The following CADPS2 variants were observed in gnomAD, a reference collection of about 807,000 sequenced individuals.
CADPS2 encodes the protein calcium-dependent secretion activator 2.
Under a neutral mutation model 172.5 loss-of-function variants are expected in CADPS2, and 93 were observed. That is an observed-to-expected ratio of 0.54 (90% confidence interval 0.46 to 0.64). CADPS2 has a LOEUF of 0.64. Among genes scored for constraint, CADPS2 ranks in the 30% least tolerant of loss-of-function variants. The pLI is 0.00. For missense variants in CADPS2, 1,420 were observed against 1,565.9 expected (o/e 0.91, Z 1.57); for synonymous variants, 546 against 555.2 (o/e 0.98, Z 0.23).
intron 28 of CADPS2, among the ~76,000 whole-genome samples, chr7:122,334,419 G>A (rs1258473946): frequency 6.6e-6 from 1 of 152,208 alleles, no homozygotes; most frequent in Non-Finnish European, 1.5e-5. Flanking sequence ...TGTCCTGGGT[G>A]CGTTCTACAC....
At chr7:122,414,491 A>T (rs571011024) in intron 18 of CADPS2, among the ~76,000 whole-genome samples, 3 of 152,198 alleles carry the variant, frequency 2.0e-5, no homozygotes, top group South Asian at 2.1e-4. Context: ...CAAAGACAAA[A>T]CATACATATA....
chr7:122,541,050 A>T (rs538253683), intron 8 of CADPS2, among the ~76,000 whole-genome samples: 1 of 152,250 alleles, frequency 6.6e-6, no homozygotes, highest in African/African-American at 2.4e-5. Context: ...CTGTAAATTG[A>T]GTATGTTAAT....
intron 11 of CADPS2, among the ~76,000 whole-genome samples, chr7:122,481,998 T>C (rs1041250137): frequency 2.0e-5 from 3 of 152,146 alleles, no homozygotes; most frequent in African/African-American, 7.2e-5. Context: ...ACCACTGCAC[T>C]TCCTCTCTCT....
At chr7:122,533,801 G>C (rs903333758) in intron 8 of CADPS2, among the ~76,000 whole-genome samples, 18 of 152,096 alleles carry the variant, frequency 1.2e-4, no homozygotes, top group African/African-American at 4.3e-4. Context: ...TTGTCTTTTT[G>C]TTTTCAAGTA....
rs543337431 is a variant in CADPS2, at chr7:122,728,477, A to C, written c.453+8478T>G. 8.6e-5 allele frequency among the ~76,000 whole-genome samples: 13 copies of C among 151,966 alleles called. No homozygotes were observed. In the East Asian group the frequency reaches 1.4e-3, roughly 16 times the overall value. ...TTCCCAAATTCCTTGGGAAGAAGCT[A>C]ATTTCTGAAGTCAAGTTCCTTGGTA... On this transcript the variant is annotated intron_variant, in intron 2 of 29. Transcript: ENST00000449022.
chr7:122,582,712 C>T (rs2069010645), intron 6 of CADPS2, among the ~76,000 whole-genome samples: 1 of 152,002 alleles, frequency 6.6e-6, no homozygotes, highest in South Asian at 2.1e-4. Context: ...AGCTAATTCT[C>T]ATGACATACC....
At position 122,701,956 on chromosome 7, in the gene CADPS2, G is replaced by T. The variant is rs773882849; in HGVS notation, c.453+34999C>A. 9.3e-6 allele frequency: 15 copies of T among 1,613,526 alleles called. No homozygotes were observed. In the East Asian group the frequency reaches 2.7e-4, roughly 29 times the overall value. On this transcript the variant is annotated intron_variant, in intron 2 of 29. Coordinates refer to ENST00000449022, the MANE Select transcript of CADPS2 (RefSeq NM_017954.11). ...AAATGCGTACTACATCTTGGGGTTTGTATGTGTCAAAGCAAACAACACAGT... is the reference window on the plus strand; with the variant it reads ...AAATGCGTACTACATCTTGGGGTTTTTATGTGTCAAAGCAAACAACACAGT...
intron 15 of CADPS2, among the ~76,000 whole-genome samples, chr7:122,442,991 T>C (rs1437303238): frequency 2.0e-5 from 3 of 152,222 alleles, no homozygotes; most frequent in Non-Finnish European, 2.9e-5. Context: ...TTGTATATTA[T>C]AAACCTTAAT....
chr7:122,610,721 G>A (rs1233553100), intron 6 of CADPS2, among the ~76,000 whole-genome samples: 3 of 151,664 alleles, frequency 2.0e-5, no homozygotes, highest in Non-Finnish European at 4.4e-5. Flanking sequence ...GATTATGTGG[G>A]GAAAAAAAAC....
intron 2 of CADPS2, among the ~76,000 whole-genome samples, chr7:122,685,042 T>G (rs2083467881): frequency 6.6e-6 from 1 of 152,186 alleles, no homozygotes; most frequent in African/African-American, 2.4e-5. Context: ...GTTTATACCT[T>G]GTAGTTGTTT....
intron 17 of CADPS2, among the ~76,000 whole-genome samples, chr7:122,419,067 T>C (rs547146328): frequency 6.6e-6 from 1 of 152,182 alleles, no homozygotes; most frequent in African/African-American, 2.4e-5. Flanking sequence ...CTCATGAGTC[T>C]GTTGCTAAAC....
intron 11 of CADPS2, among the ~76,000 whole-genome samples, chr7:122,482,141 C>T (rs1330319464): frequency 2.6e-5 from 4 of 152,130 alleles, no homozygotes; most frequent in Admixed American, 1.3e-4. Context: ...ACACATTCCT[C>T]GGGCATTCCT....
chr7:122,598,015 A>C (rs912487515), intron 6 of CADPS2, among the ~76,000 whole-genome samples: 2 of 152,140 alleles, frequency 1.3e-5, no homozygotes, highest in African/African-American at 4.8e-5. Context: ...TTTACAAAAC[A>C]GATGACATTT....
chr7:122,698,692 A>T (rs749580566), intron 2 of CADPS2: 1 of 1,613,730 alleles, frequency 6.2e-7, no homozygotes, highest in Non-Finnish European at 8.5e-7. Flanking sequence ...CTCTGGTGGC[A>T]CTATAACTCC....
intron 7 of CADPS2, among the ~76,000 whole-genome samples, chr7:122,576,231 G>A (rs1157457424): frequency 1.3e-5 from 2 of 152,162 alleles, no homozygotes; most frequent in African/African-American, 4.8e-5. Flanking sequence ...TTTGGGGCAA[G>A]AATACCACAG....
chr7:122,358,746 A>G lies in CADPS2; in HGVS notation c.3504+2042T>C, dbSNP rs181819332. Among the ~76,000 whole-genome samples the G allele has an allele frequency of 1.6e-4, 24 of 152,234 alleles. No individual in the cohort carries two copies. The East Asian group carries it at 4.1e-3, about 26-fold the overall frequency. Reference sequence around the variant, plus strand: ...CGGCCAACAAGACCTTACAGCTTTTAAAGTTAATATTCACAGGCATCAACA... The same window carrying G: ...CGGCCAACAAGACCTTACAGCTTTTGAAGTTAATATTCACAGGCATCAACA... On this transcript the variant is annotated intron_variant, in intron 27 of 29. Coordinates refer to ENST00000449022, the MANE Select transcript of CADPS2 (RefSeq NM_017954.11).
chr7:122,863,838 T>C (rs1817592416), intron 1 of CADPS2, among the ~76,000 whole-genome samples: 1 of 152,182 alleles, frequency 6.6e-6, no homozygotes, highest in Non-Finnish European at 1.5e-5. Flanking sequence ...GAGAACAGCC[T>C]GGCCAACATG....
At chr7:122,366,055 G>A (rs555781306) in intron 25 of CADPS2, among the ~76,000 whole-genome samples, 1 of 149,386 alleles carries the variant, frequency 6.7e-6, no homozygotes, top group African/African-American at 2.4e-5. Flanking sequence ...GGCTGATAAT[G>A]AAAAACTAAG....
chr7:122,620,354 TTA>T (rs2075444866), intron 5 of CADPS2, among the ~76,000 whole-genome samples: 1 of 152,202 alleles, frequency 6.6e-6, no homozygotes, highest in Non-Finnish European at 1.5e-5. Flanking sequence ...CTCCTAATTA[TTA>T]TGTTATAATC....
Sources: allele counts gnomAD v4.1 joint callset (sites outside exome capture counted in the v4.1 genomes callset), GRCh38; gene constraint gnomAD v4.1.1; transcripts MANE v1.5; gene names NCBI Gene and HGNC (gene_info 2026-07-23, HGNC 2026-07-21).